The following PCA3 variants were observed in gnomAD, a reference collection of about 807,000 sequenced individuals.
PCA3 encodes the protein prostate cancer associated 3.
At chr9:76,779,170 G>A (rs2054108158) in intron 2 of PCA3, among the ~76,000 whole-genome samples, 1 of 151,662 alleles carries the variant, frequency 6.6e-6, no homozygotes, top group Admixed American at 6.6e-5. Context: ...TATGTTCACA[G>A]GAAATGCTTT....
intron 2 of PCA3, among the ~76,000 whole-genome samples, chr9:76,768,092 T>C (rs1033203246): frequency 6.6e-6 from 1 of 152,078 alleles, no homozygotes; most frequent in Non-Finnish European, 1.5e-5. Flanking sequence ...TCCCTGGCCA[T>C]CCCAGCACGG....
chr9:76,786,745 T>C, intron 2 of PCA3: 1 of 152,236 alleles, frequency 6.6e-6, no homozygotes, highest in Non-Finnish European at 1.5e-5. Flanking sequence ...TTGCTTTAGA[T>C]GAACATTAGA....
Position 76,774,462 on chromosome 9 carries a change from T to TTATTTATTTATTTATTTA in PCA3, n.853-34120_853-34119insATTTATTTATTTATTTAT, listed in dbSNP as rs764639915. ...CTCCAGTTCAACCCTTTTTTTTTTT[T>TTATTTATTTATTTATTTA]TTTTTTTTTTTTTTTGAGATGGAGT... On this transcript the variant is annotated intron_variant and non_coding_transcript_variant, in intron 2 of 5. Coordinates refer to ENST00000644657, the Ensembl canonical transcript of PCA3. Among the ~76,000 whole-genome samples the TTATTTATTTATTTATTTA allele has an allele frequency of 8.5e-4, 89 of 104,320 alleles. 2 individuals carry two copies. The highest frequency in any genetic ancestry group is 2.0e-3 in the African/African-American group (61 of 30,200). The allele number at this position is 104,320 out of a possible 152,430, so 68.4% of individuals were successfully genotyped here. A position where few individuals can be genotyped will look rare whatever the true frequency, so the allele number is the denominator to read the frequency against.
At chr9:76,774,185 G>A (rs903458393) in intron 2 of PCA3, among the ~76,000 whole-genome samples, 4 of 151,936 alleles carry the variant, frequency 2.6e-5, no homozygotes, top group African/African-American at 7.3e-5. Flanking sequence ...CCCCAGGCTG[G>A]AGTGCAGTGG....
intron 2 of PCA3, among the ~76,000 whole-genome samples, chr9:76,774,466 T>TA (rs1419033422): frequency 0.015 from 656 of 43,354 alleles, 17 homozygotes; most frequent in African/African-American, 0.038. Context: ...TTTTTTTTTT[T>TA]TTTTTTTTTT....
At chr9:76,765,220 G>C (rs1215207928) in intron 2 of PCA3, among the ~76,000 whole-genome samples, 3 of 152,170 alleles carry the variant, frequency 2.0e-5, no homozygotes, top group Non-Finnish European at 1.5e-5. Flanking sequence ...AAACACAAGA[G>C]GAGGAGCCAG....
At chr9:76,774,468 T>TATTTATTTATTTATTTATTTA (rs1564272983) in intron 2 of PCA3, among the ~76,000 whole-genome samples, 7 of 144,530 alleles carry the variant, frequency 4.8e-5, no homozygotes, top group African/African-American at 1.5e-4. Flanking sequence ...TTTTTTTTTT[T>TATTTATTTATTTATTTATTTA]TTTTTTTTTG....
At position 76,774,450 on chromosome 9, in the gene PCA3, C is replaced by CTTTTTTTATTTATTTATTTAT. The variant is rs1564272256; in HGVS notation, n.853-34126_853-34125insATTTATTTATTTATTTTTTTT. ...ATCGTTCCTGGCCTCCAGTTCAACC[C>CTTTTTTTATTTATTTATTTAT]TTTTTTTTTTTTTTTTTTTTTTTTT... On this transcript the variant is annotated intron_variant and non_coding_transcript_variant, in intron 2 of 5. Transcript: ENST00000644657. Among the ~76,000 whole-genome samples the CTTTTTTTATTTATTTATTTAT allele has an allele frequency of 3.4e-3, 139 of 41,374 alleles. 1 individual carries two copies. The highest frequency in any genetic ancestry group is 0.016 in the Middle Eastern group (1 of 62). 27.1% of individuals were successfully genotyped at this position (41,374 alleles called of 152,430 possible). A position where few individuals can be genotyped will look rare whatever the true frequency, so the allele number is the denominator to read the frequency against.
intron 2 of PCA3, among the ~76,000 whole-genome samples, chr9:76,776,658 G>C (rs2053800713): frequency 6.6e-6 from 1 of 150,836 alleles, no homozygotes; most frequent in African/African-American, 2.4e-5. Flanking sequence ...AGGATTACAG[G>C]TGCCCGCCAC....
rs1372364030 is a variant in PCA3, at chr9:76,787,240, T to C, written n.853-21343T>C. On this transcript the variant is annotated intron_variant and non_coding_transcript_variant, in intron 2 of 5. Transcript: ENST00000644657. ...TTTGTTACAACTTTTCTTACTCTTTTATCACCAAAGTGGCTTTTATTCTCT... is the reference window on the plus strand; with the variant it reads ...TTTGTTACAACTTTTCTTACTCTTTCATCACCAAAGTGGCTTTTATTCTCT... 5 of 152,336 alleles carry C rather than the reference T, an allele frequency of 3.3e-5. No homozygotes were observed. The East Asian group carries it at 9.6e-4, about 29-fold the overall frequency. The allele number at this position is 152,336 out of a possible 1,614,324, so 9.4% of individuals were successfully genotyped here.
At chr9:76,771,787 A>G (rs1422290158) in intron 2 of PCA3, among the ~76,000 whole-genome samples, 1 of 152,152 alleles carries the variant, frequency 6.6e-6, no homozygotes, top group Non-Finnish European at 1.5e-5. Flanking sequence ...TATTTCCCAG[A>G]GGGAGAGGCC....
intron 2 of PCA3, chr9:76,785,219 C>T (rs993567207): frequency 1.3e-5 from 2 of 152,132 alleles, no homozygotes; most frequent in Admixed American, 6.6e-5. Flanking sequence ...GAAGCTCTTC[C>T]TTGTCTCTTA....
intron 2 of PCA3, among the ~76,000 whole-genome samples, chr9:76,777,251 G>A (rs1280125498): frequency 6.6e-6 from 1 of 152,180 alleles, no homozygotes; most frequent in African/African-American, 2.4e-5. Flanking sequence ...TAGGAGAGGG[G>A]TGCCAACCTC....
At chr9:76,774,146 A>T (rs1020443102) in intron 2 of PCA3, among the ~76,000 whole-genome samples, 2 of 151,990 alleles carry the variant, frequency 1.3e-5, no homozygotes, top group African/African-American at 2.4e-5. Flanking sequence ...TTAAAAAAAT[A>T]TTTTTTTGAC....
intron 2 of PCA3, among the ~76,000 whole-genome samples, chr9:76,765,090 A>G (rs1343088450): frequency 6.6e-6 from 1 of 152,242 alleles, no homozygotes; most frequent in South Asian, 2.1e-4. Context: ...TTTTGAGTTC[A>G]GTAGCAGATG....
chr9:76,775,649 T>A (rs1469600975), intron 2 of PCA3, among the ~76,000 whole-genome samples: 1 of 152,218 alleles, frequency 6.6e-6, no homozygotes, highest in Non-Finnish European at 1.5e-5. Flanking sequence ...ATATTTCTTC[T>A]CTTCAGGTAT....
At chr9:76,780,525 A>T (rs935036564) in intron 2 of PCA3, among the ~76,000 whole-genome samples, 7 of 151,444 alleles carry the variant, frequency 4.6e-5, no homozygotes, top group African/African-American at 1.7e-4. Flanking sequence ...GTTTCTAATA[A>T]AAAAAAATAC....
At chr9:76,777,127 T>A (rs2053892561) in intron 2 of PCA3, among the ~76,000 whole-genome samples, 1 of 151,840 alleles carries the variant, frequency 6.6e-6, no homozygotes, top group Non-Finnish European at 1.5e-5. Flanking sequence ...ATGATGTTGT[T>A]TGAAGGAGAG....
chr9:76,783,159 C>T (rs1418946972), intron 2 of PCA3, among the ~76,000 whole-genome samples: 1 of 152,082 alleles, frequency 6.6e-6, no homozygotes, highest in Non-Finnish European at 1.5e-5. Context: ...TTTTTGGAAA[C>T]AGAGTTCCAC....
Sources: gnomAD v4.1 joint callset for allele counts (sites outside exome capture counted in the v4.1 genomes callset) on GRCh38, gnomAD v4.1.1 for gene constraint, MANE v1.5 for transcripts, NCBI Gene and HGNC (gene_info 2026-07-23, HGNC 2026-07-21) for gene names.